The following TMX1 variants were observed in gnomAD, a reference collection of about 807,000 sequenced individuals.
The protein encoded by TMX1 is thioredoxin related transmembrane protein 1.
A neutral mutation model predicts 36.6 loss-of-function variants in TMX1; 25 were observed. The ratio of observed to expected loss-of-function variants is 0.68; its 90% CI spans 0.50 to 0.95. The LOEUF (loss-of-function observed/expected upper bound fraction) is 0.95. Among genes scored for constraint, TMX1 ranks in the 40% least tolerant of loss-of-function variants. The pLI is 0.00. For missense variants in TMX1, 347 were observed against 339.6 expected, an observed-to-expected ratio of 1.02 and a Z score of -0.17; for synonymous variants, 133 against 118.0, an observed-to-expected ratio of 1.13 and a Z score of -0.82.
chr14:51,250,924 A>T (rs536847981), intron 7 of TMX1, among the ~76,000 whole-genome samples: 1 of 152,310 alleles, frequency 6.6e-6, no homozygotes, highest in Admixed American at 6.5e-5. Flanking sequence ...TTGCATTGAT[A>T]CTAAAAAGGA....
At chr14:51,242,068 G>A (rs1460430279) in intron 1 of TMX1, among the ~76,000 whole-genome samples, 6 of 152,190 alleles carry the variant, frequency 3.9e-5, no homozygotes, top group Non-Finnish European at 7.3e-5. Flanking sequence ...GTCAGAGGTT[G>A]CAGTGAGCCG....
At position 51,243,122 on chromosome 14, in the gene TMX1, T is replaced by G. The variant is rs543951255; in HGVS notation, c.153-734T>G. On this transcript the variant is annotated intron_variant, in intron 1 of 7. Coordinates refer to ENST00000457354, the MANE Select transcript of TMX1 (RefSeq NM_030755.5). The stretch of plus-strand genomic sequence containing the variant: ...AAAAAAAAAAAAAAAAGAACAACCC[T>G]GTGGTGTATTATAAGATAAAATACA... 6.7e-5 allele frequency among the ~76,000 whole-genome samples: 10 copies of G among 149,880 alleles called. No individual in the cohort carries two copies. The East Asian group carries it at 2.0e-3, about 29-fold the overall frequency.
chr14:51,249,382 A>C lies in TMX1; in HGVS notation c.489+11A>C. Reference sequence around the variant, plus strand: ...TCTATGTGGATCAGGGTATGGACTAAAATATTTTTATCTTAAACATTTTTA... The same window carrying C: ...TCTATGTGGATCAGGGTATGGACTACAATATTTTTATCTTAAACATTTTTA... On this transcript the variant is annotated intron_variant, in intron 5 of 7. Coordinates refer to ENST00000457354, the MANE Select transcript of TMX1 (RefSeq NM_030755.5). 1 of 1,603,462 alleles carries C rather than the reference A, an allele frequency of 6.2e-7. No individual in the cohort carries two copies. The highest frequency in any genetic ancestry group is 1.1e-5 in the South Asian group (1 of 88,404).
rs1215923843 is a variant in TMX1 at position 51,254,380 on chromosome 14, T to C, written c.704T>C (p.Val235Ala). The part of the protein sequence containing the change: ...LSESAQPLKK[V>A]EEEQEADEED... ...GAATCTGCACAACCTTTGAAAAAAG[T>C]GGAGGAGGAACAAGAGGCGGATGAA... The change falls in exon 8 of 8, where the codon GTG (valine) becomes GCG (alanine). Residue 235 changes from valine (V) to alanine (A), a missense_variant. By Grantham distance (64) the Val-to-Ala change is moderately conservative (BLOSUM62 0). Coordinates refer to ENST00000457354, the MANE Select transcript of TMX1 (RefSeq NM_030755.5). 6.2e-7 allele frequency: 1 copy of C among 1,609,100 alleles called. No homozygotes were observed. Among genetic ancestry groups the C allele is most frequent in the African/African-American group, 1.3e-5 (1 of 74,444 alleles).
rs3088089 is a variant in TMX1 at position 51,255,964 on chromosome 14, G to A, written c.*1445G>A. The A allele has an allele frequency of 0.047, 7,132 of 152,528 alleles. 253 individuals carry two copies. Among genetic ancestry groups the A allele is most frequent in the Non-Finnish European group, 0.071 (4,830 of 67,916 alleles). The allele number at this position is 152,528 out of a possible 1,614,324, so 9.4% of individuals were successfully genotyped here. ...TTAGAATTTAAAATATTGTACCATT[G>A]AAGAGTTTGGATGTGTAACTTGTGA... is the stretch of plus-strand genomic sequence containing the variant. On this transcript the variant is annotated 3_prime_UTR_variant, in exon 8 of 8. Transcript: ENST00000457354.
rs748746299 is a variant in TMX1 at position 51,256,580 on chromosome 14, C to G, written c.*2061C>G. The stretch of plus-strand genomic sequence containing the variant: ...CACCTACCCACCATAATCAATTCAG[C>G]TGTACTACTGAAGTATTGTAAAATC... On this transcript the variant is annotated 3_prime_UTR_variant, in exon 8 of 8. Coordinates refer to ENST00000457354, the MANE Select transcript of TMX1 (RefSeq NM_030755.5). 6.6e-6 allele frequency: 1 copy of G among 152,310 alleles called. No individual in the cohort carries two copies. Among genetic ancestry groups the G allele is most frequent in the South Asian group, 2.1e-4 (1 of 4,824 alleles). The allele number at this position is 152,310 out of a possible 1,614,324, so 9.4% of individuals were successfully genotyped here.
In TMX1 at chr14:51,256,449, A is replaced by G. The variant is rs1412899551; in HGVS notation, c.*1930A>G. 1.3e-5 allele frequency: 2 copies of G among 152,200 alleles called. No homozygotes were observed. The highest frequency in any genetic ancestry group is 6.5e-5 in the Admixed American group (1 of 15,278). The allele number at this position is 152,200 out of a possible 1,614,324, so 9.4% of individuals were successfully genotyped here. Reference sequence around the variant, plus strand: ...GATTGTCACTGTAGACATCTGAGTAATTAATTTTCAGTTAGTAACAGGCTT... The same window carrying G: ...GATTGTCACTGTAGACATCTGAGTAGTTAATTTTCAGTTAGTAACAGGCTT... On this transcript the variant is annotated 3_prime_UTR_variant, in exon 8 of 8. Transcript: ENST00000457354.
At chr14:51,251,280 G>A (rs1246392457) in intron 7 of TMX1, among the ~76,000 whole-genome samples, 6 of 152,170 alleles carry the variant, frequency 3.9e-5, no homozygotes, top group Non-Finnish European at 8.8e-5. Context: ...CTGGTATGGA[G>A]TACTTTTGTG....
chr14:51,247,866 T>G (rs2065793914), intron 4 of TMX1, among the ~76,000 whole-genome samples: 1 of 152,212 alleles, frequency 6.6e-6, no homozygotes, highest in African/African-American at 2.4e-5. Flanking sequence ...TGTAATAATT[T>G]GAATGAGTAG....
At chr14:51,245,995 T>C (rs879452501) in intron 3 of TMX1, 1 of 154,330 alleles carries the variant, frequency 6.5e-6, no homozygotes, top group East Asian at 1.9e-4. Flanking sequence ...CAACATCATG[T>C]AGCTGGTAGG....
In TMX1 at chr14:51,247,204, G is replaced by C; in HGVS notation, c.427G>C (p.Gly143Arg). 6.2e-7 allele frequency: 1 copy of C among 1,613,042 alleles called. No individual in the cohort carries two copies. Among genetic ancestry groups the C allele is most frequent in the South Asian group, 1.1e-5 (1 of 90,940 alleles). Residue 143 changes from glycine to arginine, a missense_variant, in exon 4 of 8, where the codon GGT becomes CGT. Gly to Arg is a moderately radical substitution (Grantham distance 125). Coordinates refer to ENST00000457354, the MANE Select transcript of TMX1 (RefSeq NM_030755.5). ...TATTGAGCCCGTTTCATCATGGTTT[G>C]GTCCAGGTTCTGTTCTGTAAGTATG... is the stretch of plus-strand genomic sequence containing the variant. ...KSIEPVSSWF[G>R]PGSVLMSSMS... is the part of the protein sequence containing the mutation.
intron 1 of TMX1, among the ~76,000 whole-genome samples, chr14:51,241,750 G>A (rs992380025): frequency 3.3e-5 from 5 of 152,196 alleles, no homozygotes; most frequent in Admixed American, 2.6e-4. Flanking sequence ...TACAGCAAGG[G>A]TTGTCAAGTT....
At position 51,256,403 on chromosome 14, in the gene TMX1, T is replaced by C. The variant is rs1299854560; in HGVS notation, c.*1884T>C. The C allele has an allele frequency of 2.0e-5, 3 of 152,132 alleles. No individual in the cohort carries two copies. Among genetic ancestry groups the C allele is most frequent in the South Asian group, 2.1e-4 (1 of 4,830 alleles). 9.4% of individuals were successfully genotyped at this position (152,132 alleles called of 1,614,324 possible). On this transcript the variant is annotated 3_prime_UTR_variant, in exon 8 of 8. Transcript: ENST00000457354. ...TAGGGTCTTGAAATTTCAGGAAACA[T>C]ATAATCTCACGGTTCTTAAAGATTG...
rs528245354 is a variant in TMX1, at chr14:51,248,812, T to C, written c.444-514T>C. ...GACTTAGCATTTATTTCCTATGTAATAATTTTGTATATCATTAAAAGATGT... is the reference window on the plus strand; with the variant it reads ...GACTTAGCATTTATTTCCTATGTAACAATTTTGTATATCATTAAAAGATGT... On this transcript the variant is annotated intron_variant, in intron 4 of 7. Transcript: ENST00000457354. Among the ~76,000 whole-genome samples the C allele has an allele frequency of 3.3e-5, 5 of 152,356 alleles. No homozygotes were observed. In the East Asian group the frequency reaches 9.6e-4, roughly 29 times the overall value.
chr14:51,241,156 T>G (rs2065759014), intron 1 of TMX1, among the ~76,000 whole-genome samples: 1 of 152,210 alleles, frequency 6.6e-6, no homozygotes, highest in African/African-American at 2.4e-5. Context: ...AGATAATGTA[T>G]TAATGTATAC....
intron 7 of TMX1, among the ~76,000 whole-genome samples, chr14:51,252,176 C>T (rs565245244): frequency 1.3e-5 from 2 of 151,354 alleles, no homozygotes; most frequent in East Asian, 3.9e-4. Context: ...GAATTCATTT[C>T]TTGGAAATGA....
chr14:51,246,674 C>A (rs1421573901), intron 3 of TMX1, among the ~76,000 whole-genome samples: 2 of 152,122 alleles, frequency 1.3e-5, no homozygotes, highest in Non-Finnish European at 2.9e-5. Flanking sequence ...GCTATTATAG[C>A]CAAAAGTACT....
rs1045591618 is a variant in TMX1, at chr14:51,257,236, T to A, written c.*2717T>A. 2 of 152,214 alleles carry A rather than the reference T, an allele frequency of 1.3e-5. No homozygotes were observed. The highest frequency in any genetic ancestry group is 4.8e-5 in the African/African-American group (2 of 41,462). 9.4% of individuals were successfully genotyped at this position (152,214 alleles called of 1,614,324 possible). On this transcript the variant is annotated 3_prime_UTR_variant, in exon 8 of 8. Coordinates refer to ENST00000457354, the MANE Select transcript of TMX1 (RefSeq NM_030755.5). ...TCGTGATGTTGGTTATTGCATAAAG[T>A]AAGTTATTGCAGTAAATGATGCTTT... is the stretch of plus-strand genomic sequence containing the variant.
intron 7 of TMX1, among the ~76,000 whole-genome samples, chr14:51,252,861 G>A (rs146497604): frequency 3.3e-5 from 5 of 152,262 alleles, no homozygotes; most frequent in African/African-American, 1.2e-4. Flanking sequence ...TTAAGATGCT[G>A]TTTCTGAGTT....
Sources: gnomAD v4.1 joint callset for allele counts (sites outside exome capture counted in the v4.1 genomes callset) on GRCh38, gnomAD v4.1.1 for gene constraint, MANE v1.5 for transcripts, NCBI Gene and HGNC (gene_info 2026-07-23, HGNC 2026-07-21) for gene names.